C12orf56: variants seen among roughly 807,000 people sequenced by gnomAD.
C12orf56 encodes chromosome 12 open reading frame 56.
In C12orf56, 71 loss-of-function variants were observed where a neutral mutation model predicts 69.9. The ratio of observed to expected loss-of-function variants is 1.02; its 90% confidence interval spans 0.84 to 1.24. C12orf56 has a LOEUF of 1.24. Ranked by LOEUF, C12orf56 falls within the 50% of genes most tolerant of loss-of-function variation. The pLI is 0.00. For missense variants in C12orf56, 732 were observed against 738.5 expected (o/e 0.99, Z 0.10); for synonymous variants, 276 against 274.1 (o/e 1.01, Z -0.07).
chr12:64,371,909 T>TC, intron 1 of C12orf56, among the ~76,000 whole-genome samples: 1 of 148,460 alleles, frequency 6.7e-6, no homozygotes, highest in African/African-American at 2.5e-5. Context: ...ATTTCTTTTT[T>TC]TTTTTTTTTT....
intron 3 of C12orf56, among the ~76,000 whole-genome samples, chr12:64,325,229 C>T (rs367833457): frequency 1.3e-5 from 2 of 152,178 alleles, no homozygotes; most frequent in African/African-American, 4.8e-5. Context: ...AATCTCAAAG[C>T]AGTAACACCA....
intron 1 of C12orf56, among the ~76,000 whole-genome samples, chr12:64,373,608 A>C (rs1253395056): frequency 6.6e-6 from 1 of 152,180 alleles, no homozygotes; most frequent in Non-Finnish European, 1.5e-5. Flanking sequence ...TCCTTTCAGG[A>C]CCCAACTTCT....
intron 2 of C12orf56, among the ~76,000 whole-genome samples, chr12:64,332,669 C>T (rs1024237072): frequency 2.6e-5 from 4 of 152,170 alleles, no homozygotes; most frequent in Non-Finnish European, 5.9e-5. Flanking sequence ...AACCTAGATC[C>T]GCTCCTGCCC....
At chr12:64,366,897 A>G (rs1256293649) in intron 1 of C12orf56, among the ~76,000 whole-genome samples, 2 of 129,598 alleles carry the variant, frequency 1.5e-5, no homozygotes, top group African/African-American at 5.9e-5. Context: ...TATAACATAC[A>G]GTTTATATAT....
chr12:64,309,950 C>G (rs1031881881), intron 5 of C12orf56, among the ~76,000 whole-genome samples: 1 of 151,988 alleles, frequency 6.6e-6, no homozygotes, highest in African/African-American at 2.4e-5. Flanking sequence ...GATACTAAGA[C>G]AAATCAATGG....
intron 3 of C12orf56, among the ~76,000 whole-genome samples, chr12:64,324,975 T>A (rs945080039): frequency 6.6e-6 from 1 of 152,104 alleles, no homozygotes; most frequent in Non-Finnish European, 1.5e-5. Flanking sequence ...GCTAACAGAA[T>A]CATCTAGGTA....
chr12:64,308,985 A>AAAAGG (rs2038570782), intron 5 of C12orf56, among the ~76,000 whole-genome samples: 1 of 133,856 alleles, frequency 7.5e-6, no homozygotes, highest in Admixed American at 7.5e-5. Flanking sequence ...AGAAAGAAAG[A>AAAAGG]AAAGAAAGAA....
At position 64,390,660 on chromosome 12, in the gene C12orf56, G is replaced by A; in HGVS notation, c.-95C>T. The A allele has an allele frequency of 7.3e-7, 1 of 1,364,916 alleles. No homozygotes were observed. The highest frequency in any genetic ancestry group is 9.4e-7 in the Non-Finnish European group (1 of 1,065,340). The allele number at this position is 1,364,916 out of a possible 1,614,324, so 84.6% of individuals were successfully genotyped here. On this transcript the variant is annotated 5_prime_UTR_variant, in exon 1 of 13. Transcript: ENST00000543942. ...GCTGGAACCCGCGCGCCACAAAGCC[G>A]CCGGCCACGCGTCGCCTCCTCTCCA...
intron 1 of C12orf56, among the ~76,000 whole-genome samples, chr12:64,368,099 C>T (rs930328893): frequency 5.3e-5 from 8 of 151,980 alleles, no homozygotes; most frequent in Non-Finnish European, 7.4e-5. Flanking sequence ...TGAGCCACTG[C>T]GCCTGGCCTT....
intron 4 of C12orf56, among the ~76,000 whole-genome samples, chr12:64,313,558 A>G (rs1186675413): frequency 6.6e-6 from 1 of 151,736 alleles, no homozygotes; most frequent in Non-Finnish European, 1.5e-5. Context: ...AAAATTTTTA[A>G]AAGTATCTAT....
At chr12:64,272,738 CT>C (rs2038006347) in intron 11 of C12orf56, among the ~76,000 whole-genome samples, 3 of 152,118 alleles carry the variant, frequency 2.0e-5, no homozygotes, top group Admixed American at 1.3e-4. Flanking sequence ...CTGTGAATGA[CT>C]ATAACTTTCA....
chr12:64,316,491 C>T (rs1309087999), intron 4 of C12orf56, among the ~76,000 whole-genome samples: 2 of 152,162 alleles, frequency 1.3e-5, no homozygotes, highest in Non-Finnish European at 2.9e-5. Context: ...CTCAAACGAT[C>T]CTGCTGTCTC....
rs2038923215 is a variant in C12orf56 at position 64,331,004 on chromosome 12, A to G, written c.444T>C (p.Phe148=). Residue 148 remains phenylalanine, a synonymous_variant, in exon 3 of 13, where the codon TTT becomes TTC. Coordinates refer to ENST00000543942, the MANE Select transcript of C12orf56 (RefSeq NM_001170633.2). ...GACTTCTGGACTCTTTGCTTCTCCA[A>G]AAGGCAAGGCCGTTCTTTTCTTCCT... The part of the protein sequence containing the change: ...KVKEEKNGLA[F]WRSKESRSLK... 7 of 1,554,984 alleles carry G rather than the reference A, an allele frequency of 4.5e-6. No individual in the cohort carries two copies. In the South Asian group the frequency reaches 8.3e-5, roughly 19 times the overall value.
At chr12:64,347,254 A>C (rs974477488) in intron 2 of C12orf56, among the ~76,000 whole-genome samples, 1 of 148,700 alleles carries the variant, frequency 6.7e-6, no homozygotes, top group African/African-American at 2.5e-5. Flanking sequence ...CTGAGATTAC[A>C]GGTGTGAGCC....
At chr12:64,385,899 T>A (rs552409399) in intron 1 of C12orf56, among the ~76,000 whole-genome samples, 1 of 152,236 alleles carries the variant, frequency 6.6e-6, no homozygotes, top group African/African-American at 2.4e-5. Flanking sequence ...GGTGAATCCA[T>A]TGGGCAGTTA....
At chr12:64,344,197 T>C (rs576760848) in intron 2 of C12orf56, among the ~76,000 whole-genome samples, 26 of 152,192 alleles carry the variant, frequency 1.7e-4, no homozygotes, top group African/African-American at 3.9e-4. Context: ...GGGGGAAGGA[T>C]GGGAGAAAGA....
chr12:64,346,437 G>T (rs2039143321), intron 2 of C12orf56, among the ~76,000 whole-genome samples: 2 of 152,028 alleles, frequency 1.3e-5, no homozygotes, highest in Admixed American at 1.3e-4. Context: ...AATCTCCTTT[G>T]ACAACACCTT....
At chr12:64,355,343 G>C (rs376944087) in intron 1 of C12orf56, among the ~76,000 whole-genome samples, 8 of 152,250 alleles carry the variant, frequency 5.3e-5, no homozygotes, top group African/African-American at 1.4e-4. Flanking sequence ...AATAGGTAGA[G>C]TAATTCAAAC....
chr12:64,323,177 A>T (rs1369778146), intron 3 of C12orf56, among the ~76,000 whole-genome samples: 1 of 152,176 alleles, frequency 6.6e-6, no homozygotes, highest in Non-Finnish European at 1.5e-5. Context: ...ACACACAAAC[A>T]TCAGAGAAGG....
Sources: allele counts gnomAD v4.1 joint callset (sites outside exome capture counted in the v4.1 genomes callset), GRCh38; gene constraint gnomAD v4.1.1; transcripts MANE v1.5; gene names NCBI Gene and HGNC (gene_info 2026-07-23, HGNC 2026-07-21).